Variants in TGFB2 observed in about 807,000 individuals in gnomAD.
TGFB2 encodes transforming growth factor beta-2 proprotein.
Under a neutral mutation model 42.7 loss-of-function variants are expected in TGFB2, and 13 were observed. The observed-to-expected ratio is 0.30, with a 90% CI of 0.20 to 0.48. TGFB2 has a LOEUF of 0.48. TGFB2 is among the 20% of genes least tolerant of loss of function. The pLI is 0.99. For synonymous variants in TGFB2, 193 were observed against 193.6 expected (o/e 1.00, Z 0.03); for missense variants, 390 against 517.5 (o/e 0.75, Z 2.39).
At chr1:218,377,688 G>A (rs528648614) in intron 1 of TGFB2, among the ~76,000 whole-genome samples, 7 of 149,110 alleles carry the variant, frequency 4.7e-5, no homozygotes, top group South Asian at 2.2e-4. Flanking sequence ...CCCCACCCCC[G>A]ACCCCTGGGA....
At position 218,376,919 on chromosome 1, in the gene TGFB2, G is replaced by A. The variant is rs143842923; in HGVS notation, c.347-28250G>A. The stretch of plus-strand genomic sequence containing the variant: ...ACCAGCTTTGTTTGTTTTGAGACAC[G>A]GTCTTGCTCTGTTGCCCAGGCTGGA... On this transcript the variant is annotated intron_variant, in intron 1 of 6. Transcript: ENST00000366930. Among the ~76,000 whole-genome samples, 424 of 152,228 alleles carry A rather than the reference G, an allele frequency of 2.8e-3. 1 individual carries two copies. The highest frequency in any genetic ancestry group is 9.6e-3 in the African/African-American group (400 of 41,520).
chr1:218,409,303 A>G (rs1023255639), intron 2 of TGFB2, among the ~76,000 whole-genome samples: 3 of 152,230 alleles, frequency 2.0e-5, no homozygotes, highest in Non-Finnish European at 2.9e-5. Flanking sequence ...TATCTCAGAT[A>G]ATCAGACCAC....
In TGFB2 at chr1:218,390,628, G is replaced by A. The variant is rs534546638; in HGVS notation, c.347-14541G>A. 2.6e-5 allele frequency among the ~76,000 whole-genome samples: 4 copies of A among 152,242 alleles called. No homozygotes were observed. In the South Asian group the frequency reaches 8.3e-4, roughly 32 times the overall value. Reference sequence around the variant, plus strand: ...TAAACATTTTAAAGTACTTAGCCAGGGTCTAGTTCTGCAATGGAGATTCTT... The same window carrying A: ...TAAACATTTTAAAGTACTTAGCCAGAGTCTAGTTCTGCAATGGAGATTCTT... On this transcript the variant is annotated intron_variant, in intron 1 of 6. Coordinates refer to ENST00000366930, the MANE Select transcript of TGFB2 (RefSeq NM_003238.6).
chr1:218,433,933 T>C (rs749038207), intron 2 of TGFB2, 149 bp from the exon 3 acceptor site: 2 of 1,039,522 alleles, frequency 1.9e-6, no homozygotes, highest in Non-Finnish European at 2.8e-6. Context: ...TTTTTATGCA[T>C]GTGACCATGC....
chr1:218,366,510 TA>T (rs1228857803), intron 1 of TGFB2, among the ~76,000 whole-genome samples: 1 of 152,166 alleles, frequency 6.6e-6, no homozygotes, highest in Non-Finnish European at 1.5e-5. Context: ...GGGGTCTTGC[TA>T]TATTGCCCAG....
chr1:218,401,382 A>C (rs1658714216), intron 1 of TGFB2, among the ~76,000 whole-genome samples: 3 of 151,978 alleles, frequency 2.0e-5, no homozygotes, highest in Non-Finnish European at 4.4e-5. Flanking sequence ...ATGTGTGGCC[A>C]AGGTTGAGGT....
At chr1:218,364,811 T>C (rs1657334901) in intron 1 of TGFB2, among the ~76,000 whole-genome samples, 1 of 152,182 alleles carries the variant, frequency 6.6e-6, no homozygotes, top group South Asian at 2.1e-4. Flanking sequence ...GGCTACAAGC[T>C]GCAATGTGAA....
chr1:218,404,051 CAAAAAAA>C (rs35450089), intron 1 of TGFB2, among the ~76,000 whole-genome samples: 1 of 99,764 alleles, frequency 1.0e-5, no homozygotes, highest in African/African-American at 3.6e-5. Context: ...TGGCAGATTA[CAAAAAAA>C]AAAAAAAAAA....
At chr1:218,402,041 T>A (rs1275852620) in intron 1 of TGFB2, among the ~76,000 whole-genome samples, 1 of 152,198 alleles carries the variant, frequency 6.6e-6, no homozygotes, top group Non-Finnish European at 1.5e-5. Flanking sequence ...ACAGCTGGCA[T>A]CAACCCCTGG....
chr1:218,371,937 C>T (rs546555386), intron 1 of TGFB2, among the ~76,000 whole-genome samples: 1 of 152,324 alleles, frequency 6.6e-6, no homozygotes, highest in African/African-American at 2.4e-5. Context: ...CACGTTCCTA[C>T]CTGTTGTTTC....
intron 1 of TGFB2, among the ~76,000 whole-genome samples, chr1:218,368,091 G>A (rs948600374): frequency 6.6e-5 from 10 of 152,100 alleles, no homozygotes; most frequent in African/African-American, 1.9e-4. Flanking sequence ...ATGAGCCACC[G>A]TGCCCGGCTG....
chr1:218,440,549 C>T (rs1660119859), intron 6 of TGFB2, among the ~76,000 whole-genome samples: 2 of 152,118 alleles, frequency 1.3e-5, no homozygotes, highest in Admixed American at 6.5e-5. Context: ...CGTGCCCAGC[C>T]TGTAGAAAGA....
Position 218,346,687 on chromosome 1 carries a change from C to T in TGFB2, c.-15C>T, listed in dbSNP as rs1205178259. 2 of 1,560,826 alleles carry T rather than the reference C, an allele frequency of 1.3e-6. No individual in the cohort carries two copies. Among genetic ancestry groups the T allele is most frequent in the Non-Finnish European group, 1.7e-6 (2 of 1,157,908 alleles). On this transcript the variant is annotated 5_prime_UTR_variant, in exon 1 of 7. Transcript: ENST00000366930. The surrounding 1 kb of genome is among the most constrained non-coding windows in gnomAD (Gnocchi z 4.9). ...TGACTTTTAAAAACAACTTTTTTTT[C>T]CACTTTTTTAAAAAATGCACTACTG... is the stretch of plus-strand genomic sequence containing the variant.
At chr1:218,373,425 A>T (rs547938184) in intron 1 of TGFB2, among the ~76,000 whole-genome samples, 2 of 151,896 alleles carry the variant, frequency 1.3e-5, no homozygotes, top group South Asian at 4.2e-4. Context: ...TAGTAATATG[A>T]TTAGTAATAA....
chr1:218,404,301 CAG>C (rs1658833050), intron 1 of TGFB2, among the ~76,000 whole-genome samples: 1 of 152,130 alleles, frequency 6.6e-6, no homozygotes, highest in Admixed American at 6.5e-5. Flanking sequence ...TTAGTAGAAA[CAG>C]GGTTTTGCCA....
intron 2 of TGFB2, among the ~76,000 whole-genome samples, chr1:218,433,268 T>C (rs1659867909): frequency 6.6e-6 from 1 of 152,112 alleles, no homozygotes; most frequent in Admixed American, 6.5e-5. Flanking sequence ...GGTTTTACCA[T>C]GTTGGCCAGG....
In TGFB2 at chr1:218,400,870, T is replaced by C. The variant is rs141017828; in HGVS notation, c.347-4299T>C. 5.8e-3 allele frequency among the ~76,000 whole-genome samples: 877 copies of C among 151,752 alleles called. 1 individual carries two copies. The highest frequency in any genetic ancestry group is 8.2e-3 in the Admixed American group (125 of 15,220). ...GCGGGCCAGGGAAGGCAGGGTGAGA[T>C]TGGGGACACCAGAAGGCAAGGGGTA... is the stretch of plus-strand genomic sequence containing the variant. On this transcript the variant is annotated intron_variant, in intron 1 of 6. Transcript: ENST00000366930.
At chr1:218,385,529 C>A (rs1366392177) in intron 1 of TGFB2, among the ~76,000 whole-genome samples, 1 of 152,166 alleles carries the variant, frequency 6.6e-6, no homozygotes, top group Non-Finnish European at 1.5e-5. Context: ...ATCCCTTTAG[C>A]CATGATATTT....
At chr1:218,354,510 T>G (rs1314169182) in intron 1 of TGFB2, among the ~76,000 whole-genome samples, 1 of 152,216 alleles carries the variant, frequency 6.6e-6, no homozygotes, top group Non-Finnish European at 1.5e-5. Context: ...TTTTAAATAT[T>G]TTACATATAT....
Sources: gnomAD v4.1 joint callset for allele counts (sites outside exome capture counted in the v4.1 genomes callset) on GRCh38, gnomAD v4.1.1 for gene constraint, Gnocchi (gnomAD v3.1) non-coding constraint, MANE v1.5 for transcripts, NCBI Gene and HGNC (gene_info 2026-07-23, HGNC 2026-07-21) for gene names.